The following PPFIBP2 variants were observed in gnomAD, a reference collection of about 807,000 sequenced individuals.
The protein encoded by PPFIBP2 is liprin-beta-2.
PPFIBP2 carries 118 observed loss-of-function variants against 118.3 expected under a neutral mutation model. The ratio of observed to expected loss-of-function variants is 1.00; its 90% CI spans 0.86 to 1.16. The LOEUF (loss-of-function observed/expected upper bound fraction) is 1.16. Ranked by LOEUF, PPFIBP2 falls within the 50% of genes most tolerant of loss-of-function variation. The pLI is 0.00. For synonymous variants in PPFIBP2, 414 were observed against 397.4 expected (o/e 1.04, Z -0.50); for missense variants, 1,195 against 1,073.1 (o/e 1.11, Z -1.59).
intron 6 of PPFIBP2, among the ~76,000 whole-genome samples, chr11:7,613,432 T>G (rs1299441047): frequency 6.6e-6 from 1 of 152,202 alleles, no homozygotes; most frequent in African/African-American, 2.4e-5. Context: ...CCAGCCTTGC[T>G]CAAGAGTGAG....
the PPFIBP2 span, among the ~76,000 whole-genome samples, chr11:7,663,942 C>T: frequency 4.6e-5 from 7 of 152,160 alleles, no homozygotes; most frequent in Admixed American, 1.3e-4. Flanking sequence ...TTCTTTGACT[C>T]GGAAAGGGAA....
At chr11:7,645,922 G>T (rs966230889) in intron 17 of PPFIBP2, among the ~76,000 whole-genome samples, 1 of 152,194 alleles carries the variant, frequency 6.6e-6, no homozygotes, top group African/African-American at 2.4e-5. Flanking sequence ...GGAAACAAAT[G>T]AAATAAAAAC....
intron 3 of PPFIBP2, among the ~76,000 whole-genome samples, chr11:7,572,938 C>T (rs1472914915): frequency 6.6e-6 from 1 of 152,170 alleles, no homozygotes; most frequent in African/African-American, 2.4e-5. Context: ...CACCACCACA[C>T]CCGGCTAATT....
chr11:7,597,058 C>G (rs1188518225), intron 4 of PPFIBP2: 1 of 944,046 alleles, frequency 1.1e-6, no homozygotes, highest in African/African-American at 1.7e-5. Flanking sequence ...AATACATGCC[C>G]TTTACAGCCC....
At chr11:7,597,144 T>G in intron 4 of PPFIBP2, 2 of 1,435,036 alleles carry the variant, frequency 1.4e-6, no homozygotes, top group Non-Finnish European at 1.8e-6. Flanking sequence ...GGTAAGGTCA[T>G]TGGTTAGTTT....
At chr11:7,575,012 C>T (rs1265763108) in intron 3 of PPFIBP2, among the ~76,000 whole-genome samples, 1 of 152,082 alleles carries the variant, frequency 6.6e-6, no homozygotes, top group Non-Finnish European at 1.5e-5. Flanking sequence ...CTACCCTGCA[C>T]CCCCCACCTT....
Position 7,653,723 on chromosome 11 carries a change from C to G in PPFIBP2, c.*505C>G. Reference sequence around the variant, plus strand: ...TGCCTTACTTCAGAGGTGGTCTCTTCTTTCTTGTAATAAAAGCAATATTTA... The same window carrying G: ...TGCCTTACTTCAGAGGTGGTCTCTTGTTTCTTGTAATAAAAGCAATATTTA... On this transcript the variant is annotated 3_prime_UTR_variant, in exon 24 of 24. Coordinates refer to ENST00000299492, the MANE Select transcript of PPFIBP2 (RefSeq NM_003621.5). 8.1e-7 allele frequency: 1 copy of G among 1,235,448 alleles called. No individual in the cohort carries two copies. Among genetic ancestry groups the G allele is most frequent in the Non-Finnish European group, 1.0e-6 (1 of 964,646 alleles). 76.5% of individuals were successfully genotyped at this position (1,235,448 alleles called of 1,614,324 possible).
chr11:7,550,764 C>A (rs1852880180), intron 2 of PPFIBP2, among the ~76,000 whole-genome samples: 1 of 152,180 alleles, frequency 6.6e-6, no homozygotes, highest in Non-Finnish European at 1.5e-5. Context: ...CTGGGGAAGG[C>A]AGACTCACCC....
intron 7 of PPFIBP2, among the ~76,000 whole-genome samples, chr11:7,621,313 G>A (rs1036251450): frequency 2.6e-5 from 4 of 152,186 alleles, no homozygotes; most frequent in African/African-American, 9.7e-5. Flanking sequence ...AAGGGGCTAG[G>A]AGTGGGGAGA....
intron 4 of PPFIBP2, among the ~76,000 whole-genome samples, chr11:7,595,503 AT>A (rs1045894214): frequency 6.6e-6 from 1 of 152,206 alleles, no homozygotes; most frequent in Non-Finnish European, 1.5e-5. Context: ...AAAATTCCAA[AT>A]TCTTGAATAA....
At chr11:7,568,729 C>A (rs1429351387) in intron 3 of PPFIBP2, 5 of 152,196 alleles carry the variant, frequency 3.3e-5, no homozygotes, top group African/African-American at 1.2e-4. Flanking sequence ...TGTTGGCTGA[C>A]AAATTCTTTC....
intron 6 of PPFIBP2, chr11:7,617,278 G>A (rs867551202): frequency 4.1e-6 from 4 of 985,468 alleles, no homozygotes; most frequent in Non-Finnish European, 4.8e-6. Flanking sequence ...GACTGTGCCT[G>A]TTGGGAGGGG....
downstream of PPFIBP2, among the ~76,000 whole-genome samples, chr11:7,655,154 T>C (rs10839833): frequency 0.54 from 81,480 of 152,020 alleles, 23,307 homozygotes; most frequent in Non-Finnish European, 0.65. Flanking sequence ...TCTGACAAGC[T>C]TGTGTCTTGC....
At chr11:7,526,103 T>C (rs185357678) in intron 1 of PPFIBP2, among the ~76,000 whole-genome samples, 1 of 152,314 alleles carries the variant, frequency 6.6e-6, no homozygotes, top group Admixed American at 6.5e-5. Flanking sequence ...AGAGCAGATA[T>C]TGGAGTCTAC....
intron 15 of PPFIBP2, chr11:7,641,171 T>A (rs1303275328): frequency 3.1e-6 from 3 of 976,898 alleles, no homozygotes; most frequent in Non-Finnish European, 4.3e-6. Context: ...ACTGCCTGCG[T>A]TCCTGCATCT....
At chr11:7,649,095 C>G in intron 19 of PPFIBP2, 52 bp from the exon 20 acceptor site, 1 of 1,544,988 alleles carries the variant, frequency 6.5e-7, no homozygotes, top group South Asian at 1.2e-5. Context: ...TTGGTGTCTA[C>G]ATTCTCTCAT....
At chr11:7,519,335 G>A (rs992848335) in intron 1 of PPFIBP2, among the ~76,000 whole-genome samples, 2 of 152,128 alleles carry the variant, frequency 1.3e-5, no homozygotes, top group African/African-American at 4.8e-5. Context: ...AGAAGGATTT[G>A]AACAGGTGAG....
At chr11:7,666,830 C>A in the PPFIBP2 span, 15 of 293,038 alleles carry the variant, frequency 5.1e-5, no homozygotes, top group Admixed American at 7.1e-4. Context: ...CTTAGCCAAG[C>A]GCTGGCCAGG....
At chr11:7,564,401 A>G (rs1461716961) in intron 2 of PPFIBP2, among the ~76,000 whole-genome samples, 3 of 152,212 alleles carry the variant, frequency 2.0e-5, no homozygotes, top group Non-Finnish European at 2.9e-5. Context: ...ACAGCCCACA[A>G]TAAGGAGATG....
Sources: allele counts gnomAD v4.1 joint callset (sites outside exome capture counted in the v4.1 genomes callset), GRCh38; gene constraint gnomAD v4.1.1; transcripts MANE v1.5; gene names NCBI Gene and HGNC (gene_info 2026-07-23, HGNC 2026-07-21).